The following MCU variants were observed in gnomAD, a reference collection of about 807,000 sequenced individuals.
MCU encodes the protein mitochondrial calcium uniporter, also known as calcium uniporter protein, mitochondrial.
In MCU, 12 loss-of-function variants were observed where a neutral mutation model predicts 45.2. That is an observed-to-expected ratio of 0.27 (90% CI 0.17 to 0.43). MCU has a LOEUF of 0.43. Among genes scored for constraint, MCU ranks in the 20% least tolerant of loss-of-function variants. The pLI is 1.00. For synonymous variants in MCU, 160 were observed against 165.1 expected (o/e 0.97, Z 0.24); for missense variants, 324 against 436.7 (o/e 0.74, Z 2.30).
At chr10:72,713,890 G>GT (rs1317429644) in intron 1 of MCU, among the ~76,000 whole-genome samples, 8 of 151,434 alleles carry the variant, frequency 5.3e-5, no homozygotes, top group African/African-American at 1.9e-4. Context: ...GGTTCTATCA[G>GT]TTTTTTATAT....
At chr10:72,789,208 T>C (rs1199043247) in intron 1 of MCU, among the ~76,000 whole-genome samples, 1 of 152,180 alleles carries the variant, frequency 6.6e-6, no homozygotes, top group Non-Finnish European at 1.5e-5. Context: ...CTAGAGACTT[T>C]GGAAACATCA....
At chr10:72,806,655 A>G (rs1341707102) in intron 1 of MCU, among the ~76,000 whole-genome samples, 7 of 152,234 alleles carry the variant, frequency 4.6e-5, no homozygotes, top group South Asian at 4.1e-4. Context: ...CAATAAATCA[A>G]TAAGAAAGAA....
At chr10:72,880,842 G>A (rs1845690950) in intron 6 of MCU, among the ~76,000 whole-genome samples, 1 of 152,134 alleles carries the variant, frequency 6.6e-6, no homozygotes, top group African/African-American at 2.4e-5. Context: ...TTAAGAAGAT[G>A]GCAGGCCAGG....
At chr10:72,752,969 G>A (rs2894214) in intron 1 of MCU, among the ~76,000 whole-genome samples, 15,235 of 152,184 alleles carry the variant, frequency 0.1, 2,536 homozygotes, top group African/African-American at 0.34. Flanking sequence ...CATCATAACA[G>A]TCTGCTGGTT....
intron 2 of MCU, among the ~76,000 whole-genome samples, chr10:72,858,948 C>G (rs902063348): frequency 1.3e-5 from 2 of 152,154 alleles, no homozygotes; most frequent in Non-Finnish European, 2.9e-5. Flanking sequence ...AAGACAGTTC[C>G]TTGCCTGTTT....
At chr10:72,746,797 G>A (rs545150354) in intron 1 of MCU, among the ~76,000 whole-genome samples, 4 of 152,170 alleles carry the variant, frequency 2.6e-5, no homozygotes, top group Non-Finnish European at 4.4e-5. Context: ...TCTAATCCCT[G>A]CCGACTCTGA....
chr10:72,883,106 T>A (rs1422308230), intron 6 of MCU, among the ~76,000 whole-genome samples: 1 of 152,102 alleles, frequency 6.6e-6, no homozygotes, highest in African/African-American at 2.4e-5. Flanking sequence ...TTATGCTAAG[T>A]GAAAGAAGCC....
intron 1 of MCU, among the ~76,000 whole-genome samples, chr10:72,810,139 A>G (rs1254080899): frequency 6.6e-6 from 1 of 152,088 alleles, no homozygotes; most frequent in African/African-American, 2.4e-5. Flanking sequence ...TGCAAGAGAG[A>G]AGAACTAACT....
chr10:72,836,386 C>T (rs532445300), intron 2 of MCU, among the ~76,000 whole-genome samples: 1 of 152,176 alleles, frequency 6.6e-6, no homozygotes, highest in East Asian at 1.9e-4. Context: ...GGAATTGATA[C>T]TAATTTTGCT....
chr10:72,843,595 A>C (rs1408581189), intron 2 of MCU, among the ~76,000 whole-genome samples: 1 of 152,218 alleles, frequency 6.6e-6, no homozygotes, highest in African/African-American at 2.4e-5. Context: ...GGCAGTTATG[A>C]ATAAAGCTAC....
intron 2 of MCU, among the ~76,000 whole-genome samples, chr10:72,842,049 G>T (rs1387172897): frequency 2.0e-5 from 3 of 152,166 alleles, no homozygotes; most frequent in Admixed American, 6.5e-5. Context: ...CCAAGCTATT[G>T]CTCTGAGTAA....
intron 1 of MCU, chr10:72,693,173 AGTGTGTGTGT>A (rs112298026): frequency 1.8e-5 from 14 of 799,172 alleles, no homozygotes; most frequent in East Asian, 6.1e-5. Context: ...CTCTTGGGTG[AGTGTGTGTGT>A]GTGTGTGTGT....
At chr10:72,717,729 A>G (rs1014791272) in intron 1 of MCU, among the ~76,000 whole-genome samples, 1 of 152,204 alleles carries the variant, frequency 6.6e-6, no homozygotes, top group South Asian at 2.1e-4. Context: ...ATCTAAGACC[A>G]TAGATAGAAA....
intron 1 of MCU, among the ~76,000 whole-genome samples, chr10:72,798,435 G>A (rs1482909221): frequency 1.3e-5 from 2 of 152,062 alleles, no homozygotes; most frequent in Admixed American, 6.6e-5. Flanking sequence ...GGGATTACAG[G>A]TGCATGTCAC....
chr10:72,712,231 G>A (rs1359380539), intron 1 of MCU: 1 of 152,150 alleles, frequency 6.6e-6, no homozygotes, highest in Admixed American at 6.5e-5. Flanking sequence ...TAGGAATGCT[G>A]TTTTGACTTT....
At position 72,876,469 on chromosome 10, in the gene MCU, C is replaced by T. The variant is rs545095844; in HGVS notation, c.861+4889C>T. On this transcript the variant is annotated intron_variant, in intron 6 of 7. Transcript: ENST00000373053. ...CTCCTAATATTGGACTAATCTAGAC[C>T]TTTATCCTATCTATATCTAGGCTAT... 3.9e-5 allele frequency among the ~76,000 whole-genome samples: 6 copies of T among 152,306 alleles called. No homozygotes were observed. The South Asian group carries it at 1.2e-3, about 32-fold the overall frequency.
intron 1 of MCU, chr10:72,736,382 C>T (rs1157652676): frequency 6.6e-6 from 1 of 152,230 alleles, no homozygotes; most frequent in African/African-American, 2.4e-5. Flanking sequence ...CCTAGTACCC[C>T]TGTCTAAAGG....
chr10:72,822,709 T>A (rs1383717262), intron 1 of MCU, among the ~76,000 whole-genome samples: 1 of 152,174 alleles, frequency 6.6e-6, no homozygotes, highest in African/African-American at 2.4e-5. Context: ...GTGAAGTGGC[T>A]GCCACCTGTA....
At chr10:72,767,617 G>C (rs901232917) in intron 1 of MCU, among the ~76,000 whole-genome samples, 2 of 151,920 alleles carry the variant, frequency 1.3e-5, no homozygotes, top group African/African-American at 4.8e-5. Context: ...CAAAGTGCTG[G>C]GATTACAGGC....
Sources: allele counts gnomAD v4.1 joint callset (sites outside exome capture counted in the v4.1 genomes callset), GRCh38; gene constraint gnomAD v4.1.1; transcripts MANE v1.5; gene names NCBI Gene and HGNC (gene_info 2026-07-23, HGNC 2026-07-21).